The following EPHA6 variants were observed in gnomAD, a reference collection of about 807,000 sequenced individuals.
EPHA6 encodes the protein ephrin type-A receptor 6.
A neutral mutation model predicts 112.0 loss-of-function variants in EPHA6; 50 were observed. The observed-to-expected ratio is 0.45, with a 90% confidence interval of 0.36 to 0.56. EPHA6 has a LOEUF of 0.56. Ranked by LOEUF, EPHA6 falls within the 20% of genes least tolerant of loss-of-function variation. EPHA6 has a pLI of 0.00. For synonymous variants in EPHA6, 529 were observed against 490.7 expected (o/e 1.08, Z -1.03); for missense variants, 1,280 against 1,417.4 (o/e 0.90, Z 1.56).
intron 3 of EPHA6, among the ~76,000 whole-genome samples, chr3:97,090,137 G>C (rs1266251947): frequency 6.6e-6 from 1 of 151,930 alleles, no homozygotes; most frequent in East Asian, 1.9e-4. Context: ...CTTCATGCTA[G>C]AAAACAGAAT....
chr3:97,205,887 G>A (rs983217533), intron 3 of EPHA6, among the ~76,000 whole-genome samples: 1 of 152,056 alleles, frequency 6.6e-6, no homozygotes, highest in Non-Finnish European at 1.5e-5. Flanking sequence ...TCAACAGATA[G>A]TTATAATACT....
chr3:97,103,334 G>T (rs1576493134), intron 3 of EPHA6, among the ~76,000 whole-genome samples: 1 of 152,044 alleles, frequency 6.6e-6, no homozygotes, highest in Non-Finnish European at 1.5e-5. Flanking sequence ...TGTAGGGAGG[G>T]GATCCAGTTG....
At chr3:97,534,086 G>A (rs1577688581) in intron 11 of EPHA6, among the ~76,000 whole-genome samples, 1 of 152,100 alleles carries the variant, frequency 6.6e-6, no homozygotes, top group African/African-American at 2.4e-5. Context: ...TTCTGCTCCT[G>A]CCACTTAAGA....
chr3:97,063,644 G>A (rs1166555139), intron 3 of EPHA6, among the ~76,000 whole-genome samples: 1 of 152,000 alleles, frequency 6.6e-6, no homozygotes, highest in African/African-American at 2.4e-5. Context: ...AATCACCATG[G>A]CACACGTTTA....
intron 3 of EPHA6, among the ~76,000 whole-genome samples, chr3:97,147,428 A>G (rs2076069173): frequency 6.6e-6 from 1 of 151,734 alleles, no homozygotes; most frequent in Non-Finnish European, 1.5e-5. Flanking sequence ...GAAAGGAACC[A>G]CATTTTTTTT....
At chr3:97,681,984 C>A (rs551034858) in intron 14 of EPHA6, among the ~76,000 whole-genome samples, 2 of 151,944 alleles carry the variant, frequency 1.3e-5, no homozygotes, top group Admixed American at 6.6e-5. Context: ...CTTCTTATAG[C>A]CATTATATAA....
At chr3:97,201,496 T>A (rs2077575699) in intron 3 of EPHA6, among the ~76,000 whole-genome samples, 1 of 152,134 alleles carries the variant, frequency 6.6e-6, no homozygotes, top group Admixed American at 6.6e-5. Context: ...AAGCAATTTT[T>A]GCAGGTCACC....
chr3:97,327,987 AT>A (rs999135424), intron 5 of EPHA6, among the ~76,000 whole-genome samples: 19 of 140,566 alleles, frequency 1.4e-4, no homozygotes, highest in Admixed American at 4.4e-4. Context: ...GTGCATATAT[AT>A]GTATATGTGT....
chr3:97,689,934 T>C (rs1181369367), intron 14 of EPHA6, among the ~76,000 whole-genome samples: 5 of 152,248 alleles, frequency 3.3e-5, no homozygotes, highest in Non-Finnish European at 5.9e-5. Context: ...TTTTCAAAGT[T>C]TGTCTGTATT....
chr3:97,501,580 A>T (rs1179166291), intron 10 of EPHA6, among the ~76,000 whole-genome samples: 1 of 152,028 alleles, frequency 6.6e-6, no homozygotes, highest in African/African-American at 2.4e-5. Flanking sequence ...TAAATAACTC[A>T]CTTAAATAAC....
In EPHA6 at chr3:96,922,159, A is replaced by G. The variant is rs62263689; in HGVS notation, c.450+55270A>G. ...ATTAAGGAAAGAATTAAAAACATCT[A>G]TGTTCATTTTCTGGTAGGAACTCTA... On this transcript the variant is annotated intron_variant, in intron 2 of 17. Transcript: ENST00000389672. Among the ~76,000 whole-genome samples the G allele has an allele frequency of 5.7e-3, 865 of 152,298 alleles. 1 individual carries two copies. Among genetic ancestry groups the G allele is most frequent in the Non-Finnish European group, 8.3e-3 (566 of 68,020 alleles).
At chr3:96,854,180 T>G (rs1338654034) in intron 1 of EPHA6, among the ~76,000 whole-genome samples, 2 of 115,610 alleles carry the variant, frequency 1.7e-5, no homozygotes. Flanking sequence ...TAATCATGAC[T>G]TTTTTTTTTT....
chr3:97,411,781 G>C (rs79903489), intron 6 of EPHA6, among the ~76,000 whole-genome samples: 2,175 of 152,136 alleles, frequency 0.014, 55 homozygotes, highest in African/African-American at 0.049. Flanking sequence ...CAAAGAAACA[G>C]AGAAACCTAT....
chr3:96,941,159 T>G (rs926590355), intron 2 of EPHA6, among the ~76,000 whole-genome samples: 3 of 152,188 alleles, frequency 2.0e-5, no homozygotes, highest in Non-Finnish European at 4.4e-5. Flanking sequence ...TTGCTATATT[T>G]GGGAAGTTCT....
intron 14 of EPHA6, among the ~76,000 whole-genome samples, chr3:97,715,479 A>ATT (rs1180318767): frequency 6.6e-6 from 1 of 152,226 alleles, no homozygotes; most frequent in African/African-American, 2.4e-5. Flanking sequence ...ATAGAGATAG[A>ATT]TTGAGAACAG....
At chr3:97,287,194 A>G (rs1296771282) in intron 5 of EPHA6, among the ~76,000 whole-genome samples, 1 of 152,084 alleles carries the variant, frequency 6.6e-6, no homozygotes, top group Non-Finnish European at 1.5e-5. Context: ...ACAAACAGAA[A>G]CCATTTGACT....
At chr3:97,612,365 A>C (rs1359845304) in intron 13 of EPHA6, 2 of 398,126 alleles carry the variant, frequency 5.0e-6, no homozygotes, top group South Asian at 3.8e-5. Flanking sequence ...TCTTCTTTTT[A>C]TTTTTGTATC....
chr3:97,206,051 T>C (rs951473738), intron 3 of EPHA6, among the ~76,000 whole-genome samples: 28 of 152,216 alleles, frequency 1.8e-4, no homozygotes, highest in African/African-American at 6.5e-4. Context: ...GTCAATATTA[T>C]TAAGAATATT....
chr3:97,304,954 G>T (rs922889161), intron 5 of EPHA6, among the ~76,000 whole-genome samples: 1 of 151,812 alleles, frequency 6.6e-6, no homozygotes, highest in Non-Finnish European at 1.5e-5. Context: ...GAACAGAAAG[G>T]CTATAGAATG....
Sources: allele counts gnomAD v4.1 joint callset (sites outside exome capture counted in the v4.1 genomes callset), GRCh38; gene constraint gnomAD v4.1.1; transcripts MANE v1.5; gene names NCBI Gene and HGNC (gene_info 2026-07-23, HGNC 2026-07-21).